The following ADAMTS6 variants were observed in gnomAD, a reference collection of about 807,000 sequenced individuals.
ADAMTS6 encodes the protein A disintegrin and metalloproteinase with thrombospondin motifs 6.
ADAMTS6 carries 23 observed loss-of-function variants against 144.3 expected under a neutral mutation model. That is an observed-to-expected ratio of 0.16 (90% CI 0.11 to 0.23). ADAMTS6 has a LOEUF of 0.23. Ranked by LOEUF, ADAMTS6 falls within the 10% of genes least tolerant of loss-of-function variation. The pLI is 1.00. For missense variants in ADAMTS6, 999 were observed against 1,379.6 expected, an observed-to-expected ratio of 0.72 and a Z score of 4.37; for synonymous variants, 444 against 457.5, an observed-to-expected ratio of 0.97 and a Z score of 0.38.
intron 11 of ADAMTS6, among the ~76,000 whole-genome samples, chr5:65,288,736 C>A (rs1308704015): frequency 6.6e-6 from 1 of 152,182 alleles, no homozygotes; most frequent in Non-Finnish European, 1.5e-5. Flanking sequence ...CTAAAATATT[C>A]TCCTAAGTCT....
intron 22 of ADAMTS6, among the ~76,000 whole-genome samples, chr5:65,175,284 G>A (rs1385408481): frequency 6.7e-6 from 1 of 149,832 alleles, no homozygotes. Context: ...GAGAGAGAAA[G>A]AGAGAGGCAG....
chr5:65,385,907 A>G (rs922482646), intron 7 of ADAMTS6, among the ~76,000 whole-genome samples: 2 of 152,234 alleles, frequency 1.3e-5, no homozygotes, highest in African/African-American at 2.4e-5. Context: ...ATTACAATTT[A>G]CCACTGCTTA....
intron 15 of ADAMTS6, among the ~76,000 whole-genome samples, chr5:65,229,434 T>C (rs1687337287): frequency 6.6e-6 from 1 of 152,012 alleles, no homozygotes; most frequent in Non-Finnish European, 1.5e-5. Context: ...CAAAGAAACA[T>C]GGTAATATTC....
intron 7 of ADAMTS6, among the ~76,000 whole-genome samples, chr5:65,438,117 A>T (rs184167678): frequency 1.3e-5 from 2 of 152,372 alleles, no homozygotes; most frequent in East Asian, 3.9e-4. Flanking sequence ...TAGATGGATT[A>T]GCCTCTCAAC....
At chr5:65,337,104 A>G (rs1038437954) in intron 7 of ADAMTS6, among the ~76,000 whole-genome samples, 3 of 152,126 alleles carry the variant, frequency 2.0e-5, no homozygotes, top group African/African-American at 7.2e-5. Context: ...TATTTATACT[A>G]TAAATTGGGA....
At chr5:65,324,245 G>C (rs1745948011) in intron 9 of ADAMTS6, among the ~76,000 whole-genome samples, 1 of 151,930 alleles carries the variant, frequency 6.6e-6, no homozygotes, top group Admixed American at 6.6e-5. Context: ...ATATTCATAT[G>C]GAAAAAAGAT....
intron 11 of ADAMTS6, among the ~76,000 whole-genome samples, chr5:65,288,179 A>G (rs570080399): frequency 2.6e-5 from 4 of 152,336 alleles, no homozygotes; most frequent in African/African-American, 7.2e-5. Flanking sequence ...AAGATTTTTC[A>G]TAACTACAGA....
chr5:65,313,401 T>G (rs1256134497), intron 9 of ADAMTS6, among the ~76,000 whole-genome samples: 1 of 152,102 alleles, frequency 6.6e-6, no homozygotes, highest in South Asian at 2.1e-4. Flanking sequence ...TGTCTACAGA[T>G]GAAAATTTAC....
chr5:65,167,718 G>T (rs1195969966), intron 24 of ADAMTS6, among the ~76,000 whole-genome samples: 3 of 112,928 alleles, frequency 2.7e-5, no homozygotes, highest in African/African-American at 1.0e-4. Flanking sequence ...GGGATGCAAG[G>T]CTGGTTCAAT....
intron 7 of ADAMTS6, among the ~76,000 whole-genome samples, chr5:65,405,460 G>A (rs1285081788): frequency 1.3e-5 from 2 of 152,128 alleles, no homozygotes; most frequent in East Asian, 3.9e-4. Flanking sequence ...GGTTGTAGAT[G>A]TGTGGTATTA....
At position 65,276,132 on chromosome 5, in the gene ADAMTS6, A is replaced by G. The variant is rs140771311; in HGVS notation, c.1513-2685T>C. On this transcript the variant is annotated intron_variant, in intron 11 of 24. Coordinates refer to ENST00000381055, the MANE Select transcript of ADAMTS6 (RefSeq NM_197941.4). ...AAGTGCCTTGAAAATCTCTACCCAA[A>G]GTAGCAGGTGCTTAAGATACTTTTT... Among the ~76,000 whole-genome samples, 366 of 152,314 alleles carry G rather than the reference A, an allele frequency of 2.4e-3. 2 individuals are homozygous for G. Among genetic ancestry groups the G allele is most frequent in the African/African-American group, 8.1e-3 (338 of 41,570 alleles).
intron 20 of ADAMTS6, among the ~76,000 whole-genome samples, chr5:65,211,343 T>C (rs1232889992): frequency 6.6e-6 from 1 of 152,244 alleles, no homozygotes; most frequent in East Asian, 1.9e-4. Flanking sequence ...GGCTCACGCC[T>C]GTAATCCTAG....
At chr5:65,453,686 G>C (rs867684379) in intron 4 of ADAMTS6, among the ~76,000 whole-genome samples, 7 of 152,242 alleles carry the variant, frequency 4.6e-5, no homozygotes, top group Middle Eastern at 6.8e-3. Context: ...GTAAACACCT[G>C]CCTCACTGAT....
At chr5:65,295,207 A>C (rs1399757261) in intron 10 of ADAMTS6, among the ~76,000 whole-genome samples, 2 of 152,118 alleles carry the variant, frequency 1.3e-5, no homozygotes, top group African/African-American at 2.4e-5. Flanking sequence ...TAAATGTGTA[A>C]ATCTATTAGG....
chr5:65,288,642 T>C (rs922354795), intron 11 of ADAMTS6, among the ~76,000 whole-genome samples: 1 of 152,198 alleles, frequency 6.6e-6, no homozygotes, highest in African/African-American at 2.4e-5. Context: ...TTAAAATCTT[T>C]CCTGACATCA....
intron 22 of ADAMTS6, among the ~76,000 whole-genome samples, chr5:65,174,447 A>G (rs1753837342): frequency 6.6e-6 from 1 of 152,150 alleles, no homozygotes; most frequent in Non-Finnish European, 1.5e-5. Context: ...TGGGTAGGCA[A>G]TTGGCCTGGT....
intron 8 of ADAMTS6, 39 bp downstream of exon 8, chr5:65,334,003 A>AC (rs754902569): frequency 1.2e-5 from 14 of 1,163,574 alleles, no homozygotes; most frequent in South Asian, 2.3e-5. Context: ...TTATTAAAAA[A>AC]AAAAAAAAAA....
intron 3 of ADAMTS6, among the ~76,000 whole-genome samples, chr5:65,467,400 TC>T (rs1268244466): frequency 1.3e-5 from 2 of 152,078 alleles, no homozygotes; most frequent in Admixed American, 6.6e-5. Context: ...TGTTATAAGT[TC>T]CTGAAACAGG....
At chr5:65,435,328 G>C (rs750444721) in intron 7 of ADAMTS6, among the ~76,000 whole-genome samples, 1 of 151,982 alleles carries the variant, frequency 6.6e-6, no homozygotes, top group Non-Finnish European at 1.5e-5. Context: ...GAAAATGTTG[G>C]GTGCAGGAAA....
Sources: gnomAD v4.1 joint callset for allele counts (sites outside exome capture counted in the v4.1 genomes callset) on GRCh38, gnomAD v4.1.1 for gene constraint, MANE v1.5 for transcripts, NCBI Gene and HGNC (gene_info 2026-07-23, HGNC 2026-07-21) for gene names.